LOC128462377: variants seen among roughly 807,000 people sequenced by gnomAD.
the LOC128462377 span, among the ~76,000 whole-genome samples, chr16:89,339,280 T>G: frequency 6.6e-6 from 1 of 152,254 alleles, no homozygotes; most frequent in Non-Finnish European, 1.5e-5. Flanking sequence ...TAGAACGACC[T>G]AGAGATGTCT....
chr16:89,417,472 G>C, the LOC128462377 span, among the ~76,000 whole-genome samples: 1 of 152,184 alleles, frequency 6.6e-6, no homozygotes, highest in Admixed American at 6.5e-5. Context: ...AGCGACACGT[G>C]CTTGCTCAGA....
At chr16:89,386,053 C>A in the LOC128462377 span, among the ~76,000 whole-genome samples, 4 of 152,224 alleles carry the variant, frequency 2.6e-5, no homozygotes, top group African/African-American at 7.2e-5. Flanking sequence ...AAACTGGGTC[C>A]AATTTGTCTG....
the LOC128462377 span, among the ~76,000 whole-genome samples, chr16:89,412,035 G>C: frequency 8.4e-5 from 8 of 95,176 alleles, no homozygotes; most frequent in African/African-American, 2.2e-4. Context: ...CCTCAGCCAG[G>C]TACTGGGCTG....
At chr16:89,340,078 C>CAAAAA in the LOC128462377 span, 1 of 152,152 alleles carries the variant, frequency 6.6e-6, no homozygotes, top group Non-Finnish European at 1.5e-5. Flanking sequence ...TTTTTTCCAA[C>CAAAAA]TTTTTGCGAA....
chr16:89,412,921 G>A, the LOC128462377 span, among the ~76,000 whole-genome samples: 1 of 152,188 alleles, frequency 6.6e-6, no homozygotes, highest in African/African-American at 2.4e-5. Flanking sequence ...CAGGTCAGCA[G>A]AGGTCCCAGC....
the LOC128462377 span, among the ~76,000 whole-genome samples, chr16:89,388,753 T>C: frequency 6.6e-6 from 1 of 152,148 alleles, no homozygotes; most frequent in South Asian, 2.1e-4. Context: ...AGGTCTGGAA[T>C]GGTGCCACTG....
At chr16:89,412,550 G>A in the LOC128462377 span, 2 of 152,166 alleles carry the variant, frequency 1.3e-5, no homozygotes, top group African/African-American at 4.8e-5. Flanking sequence ...TTTGCTACAG[G>A]AACCCAATTA....
At chr16:89,385,374 CCGCTT>C in the LOC128462377 span, among the ~76,000 whole-genome samples, 3 of 150,776 alleles carry the variant, frequency 2.0e-5, no homozygotes, top group Admixed American at 6.6e-5. Context: ...GGTGATCCAC[CCGCTT>C]CAGCCTCCCA....
the LOC128462377 span, among the ~76,000 whole-genome samples, chr16:89,322,945 G>A: frequency 2.0e-5 from 3 of 152,266 alleles, no homozygotes; most frequent in African/African-American, 7.2e-5. Context: ...CTGGGCTCAA[G>A]CTATCCGCTC....
chr16:89,403,280 T>C, the LOC128462377 span, among the ~76,000 whole-genome samples: 1 of 152,122 alleles, frequency 6.6e-6, no homozygotes, highest in Non-Finnish European at 1.5e-5. Flanking sequence ...GCCACGCACA[T>C]GTTGTGAGCA....
the LOC128462377 span, among the ~76,000 whole-genome samples, chr16:89,413,487 T>C: frequency 3.9e-5 from 6 of 152,066 alleles, no homozygotes; most frequent in Admixed American, 1.3e-4. Context: ...TAGCCGGGCG[T>C]GGTGGCGGGC....
the LOC128462377 span, among the ~76,000 whole-genome samples, chr16:89,404,989 A>G: frequency 3.9e-5 from 6 of 152,332 alleles, no homozygotes; most frequent in South Asian, 2.1e-4. Flanking sequence ...CTGAAATCAG[A>G]CTTCCAAAAA....
the LOC128462377 span, among the ~76,000 whole-genome samples, chr16:89,410,527 C>T: frequency 6.6e-6 from 1 of 152,132 alleles, no homozygotes; most frequent in East Asian, 1.9e-4. Context: ...GAAACACCTG[C>T]CCCCGGGCTA....
the LOC128462377 span, among the ~76,000 whole-genome samples, chr16:89,382,044 G>A: frequency 6.6e-6 from 1 of 152,234 alleles, no homozygotes; most frequent in Non-Finnish European, 1.5e-5. Context: ...TCCAGGCCCA[G>A]GGAAGGTGAT....
the LOC128462377 span, among the ~76,000 whole-genome samples, chr16:89,417,349 T>C: frequency 6.6e-6 from 1 of 152,166 alleles, no homozygotes; most frequent in African/African-American, 2.4e-5. Flanking sequence ...GGCCAAAATA[T>C]GAAAATTTAA....
the LOC128462377 span, among the ~76,000 whole-genome samples, chr16:89,330,708 T>C: frequency 1.9e-4 from 23 of 120,700 alleles, 2 homozygotes; most frequent in South Asian, 5.9e-3. Flanking sequence ...ATCTCTTGTA[T>C]CGGAAGTCCC....
chr16:89,355,980 G>T, the LOC128462377 span, among the ~76,000 whole-genome samples: 1 of 152,192 alleles, frequency 6.6e-6, no homozygotes, highest in Non-Finnish European at 1.5e-5. Flanking sequence ...GGAGGCTGAG[G>T]TGGGAGGATC....
the LOC128462377 span, chr16:89,392,379 C>G: frequency 6.6e-6 from 1 of 152,264 alleles, no homozygotes; most frequent in Non-Finnish European, 1.5e-5. Flanking sequence ...AAATTCATTA[C>G]CTGTATAAGG....
At chr16:89,317,054 C>G in the LOC128462377 span, 1 of 1,598,926 alleles carries the variant, frequency 6.3e-7, no homozygotes, top group African/African-American at 1.3e-5. Context: ...ATTTACACGG[C>G]CGGCGCTTCA....
Sources: gnomAD v4.1 joint callset for allele counts (sites outside exome capture counted in the v4.1 genomes callset) on GRCh38, gnomAD v4.1.1 for gene constraint, MANE v1.5 for transcripts.